The following KBTBD12 variants were observed in gnomAD, a reference collection of about 807,000 sequenced individuals.
The protein encoded by KBTBD12 is kelch repeat and BTB domain-containing protein 12.
A neutral mutation model predicts 58.7 loss-of-function variants in KBTBD12; 53 were observed. The ratio of observed to expected loss-of-function variants is 0.90; its 90% CI spans 0.72 to 1.14. The LOEUF is 1.14. Among genes scored for constraint, KBTBD12 ranks in the 50% most tolerant of loss-of-function variants. The pLI, the probability that KBTBD12 is intolerant of heterozygous loss-of-function variation, is 0.00. For missense variants in KBTBD12, 704 were observed against 751.3 expected (o/e 0.94, Z 0.74); for synonymous variants, 236 against 259.8 (o/e 0.91, Z 0.88).
At chr3:127,961,129 C>T (rs924026223) in intron 4 of KBTBD12, among the ~76,000 whole-genome samples, 12 of 152,216 alleles carry the variant, frequency 7.9e-5, no homozygotes, top group African/African-American at 2.4e-4. Flanking sequence ...CTCACAAAAA[C>T]AGACAACTAG....
intron 4 of KBTBD12, among the ~76,000 whole-genome samples, chr3:127,945,898 T>G (rs1166010041): frequency 6.6e-6 from 1 of 151,822 alleles, no homozygotes; most frequent in Non-Finnish European, 1.5e-5. Flanking sequence ...AGGCTGGTCT[T>G]GAACTCCTGG....
chr3:127,969,395 C>T (rs1367231387), intron 5 of KBTBD12, among the ~76,000 whole-genome samples: 2 of 151,874 alleles, frequency 1.3e-5, no homozygotes, highest in African/African-American at 4.8e-5. Flanking sequence ...CTGAAAACTG[C>T]AAGACATCAT....
At chr3:127,960,156 C>T (rs774744865) in intron 4 of KBTBD12, among the ~76,000 whole-genome samples, 1 of 152,138 alleles carries the variant, frequency 6.6e-6, no homozygotes, top group African/African-American at 2.4e-5. Flanking sequence ...GCAGCGAGTA[C>T]CACTCCCCTC....
intron 4 of KBTBD12, among the ~76,000 whole-genome samples, chr3:127,954,368 G>T (rs1940274116): frequency 6.6e-6 from 1 of 152,144 alleles, no homozygotes; most frequent in East Asian, 1.9e-4. Flanking sequence ...AGAACATTCT[G>T]GGTTCAACCT....
In KBTBD12 at chr3:127,923,171, C is replaced by A; in HGVS notation, c.110C>A (p.Ala37Glu). The stretch of plus-strand genomic sequence containing the variant: ...GAAATGATTGATGTGGTACTCACAG[C>A]AGAAGGAGAGAAATTTCCTTGCCAC... Reference protein sequence around the residue: ...LAEMIDVVLTAEGEKFPCHRL... With the variant: ...LAEMIDVVLTEEGEKFPCHRL... Residue 37 changes from alanine to glutamate, a missense_variant, in exon 2 of 6, where the codon GCA (alanine) becomes GAA (glutamate). Physicochemically the swap from Ala to Glu is moderately radical, Grantham distance 107. Transcript: ENST00000405109. 1 of 1,613,356 alleles carries A rather than the reference C, an allele frequency of 6.2e-7. No homozygotes were observed. Among genetic ancestry groups the A allele is most frequent in the Non-Finnish European group, 8.5e-7 (1 of 1,179,344 alleles).
In KBTBD12 at chr3:127,984,241, C is replaced by G. The variant is rs552334735; in HGVS notation, c.1835C>G (p.Pro612Arg). Residue 612 changes from proline (P) to arginine (R), a missense_variant, in exon 6 of 6, where the codon CCG becomes CGG. Transcript: ENST00000405109. ...ARMNPRDLIP[P>R]PSDLVEEGNE... is the part of the protein sequence containing the mutation. Reference sequence around the variant, plus strand: ...ATGAATCCCCGAGACCTCATCCCCCCGCCTTCAGATTTGGTGGAAGAAGGC... The same window carrying G: ...ATGAATCCCCGAGACCTCATCCCCCGGCCTTCAGATTTGGTGGAAGAAGGC... 1.9e-5 allele frequency: 30 copies of G among 1,613,938 alleles called. No individual in the cohort carries two copies. In the South Asian group the frequency reaches 3.0e-4, roughly 16 times the overall value.
chr3:127,980,494 T>A (rs1294430858), intron 5 of KBTBD12, among the ~76,000 whole-genome samples: 6 of 152,168 alleles, frequency 3.9e-5, no homozygotes, highest in Non-Finnish European at 8.8e-5. Context: ...CACGCCCAGC[T>A]AATTTTTGTA....
intron 5 of KBTBD12, among the ~76,000 whole-genome samples, chr3:127,975,466 T>C (rs980968945): frequency 6.6e-6 from 1 of 152,200 alleles, no homozygotes; most frequent in African/African-American, 2.4e-5. Context: ...GGCTTATTAC[T>C]GTTAACCAAG....
intron 1 of KBTBD12, among the ~76,000 whole-genome samples, chr3:127,920,238 C>A (rs906341786): frequency 6.6e-6 from 1 of 152,032 alleles, no homozygotes; most frequent in Non-Finnish European, 1.5e-5. Flanking sequence ...TTGTTGAAAT[C>A]GATCATCAGT....
chr3:127,971,235 G>A (rs1940677956), intron 5 of KBTBD12, among the ~76,000 whole-genome samples: 1 of 152,154 alleles, frequency 6.6e-6, no homozygotes, highest in Admixed American at 6.5e-5. Flanking sequence ...TGTGGCCTTA[G>A]GTACCTGCAA....
In KBTBD12 at chr3:127,984,422, G is replaced by C; in HGVS notation, c.*144G>C. On this transcript the variant is annotated 3_prime_UTR_variant, in exon 6 of 6. Transcript: ENST00000405109. ...AAGAAGCAGTGTGTGCTGGGCACTG[G>C]GTGGGGAGCATGGGGAGTCTCCCTT... 1.3e-6 allele frequency: 1 copy of C among 742,418 alleles called. No individual in the cohort carries two copies. Among genetic ancestry groups the C allele is most frequent in the South Asian group, 1.9e-5 (1 of 51,314 alleles). The allele number at this position is 742,418 out of a possible 1,614,324, so 46.0% of individuals were successfully genotyped here. A position where few individuals can be genotyped will look rare whatever the true frequency, so the allele number is the denominator to read the frequency against.
At chr3:127,976,287 T>G (rs1365649020) in intron 5 of KBTBD12, among the ~76,000 whole-genome samples, 1 of 152,238 alleles carries the variant, frequency 6.6e-6, no homozygotes, top group Admixed American at 6.5e-5. Flanking sequence ...TTGTAGCACC[T>G]TTTCTCTCCA....
intron 4 of KBTBD12, among the ~76,000 whole-genome samples, chr3:127,931,127 A>G (rs987398440): frequency 2.0e-5 from 3 of 152,182 alleles, no homozygotes; most frequent in Admixed American, 6.5e-5. Flanking sequence ...AAGATGATGG[A>G]TAGCAAAGAA....
intron 4 of KBTBD12, among the ~76,000 whole-genome samples, chr3:127,943,680 C>T (rs1430885374): frequency 6.6e-6 from 1 of 151,224 alleles, no homozygotes; most frequent in African/African-American, 2.4e-5. Context: ...TATACAGAAG[C>T]TTTTTGGTTT....
At chr3:127,954,712 T>C (rs1264164564) in intron 4 of KBTBD12, among the ~76,000 whole-genome samples, 1 of 152,184 alleles carries the variant, frequency 6.6e-6, no homozygotes, top group African/African-American at 2.4e-5. Flanking sequence ...CTTTCACACG[T>C]GGCCCCAGCC....
At chr3:127,968,861 T>C (rs1940634450) in intron 5 of KBTBD12, among the ~76,000 whole-genome samples, 1 of 148,376 alleles carries the variant, frequency 6.7e-6, no homozygotes, top group Non-Finnish European at 1.5e-5. Context: ...ATTATCTCAA[T>C]AGATGCAAAG....
chr3:127,984,049 T>A lies in KBTBD12; in HGVS notation c.1691-48T>A, dbSNP rs937620356. 2.0e-6 allele frequency: 3 copies of A among 1,520,828 alleles called. No individual in the cohort carries two copies. The African/African-American group carries it at 4.1e-5, about 21-fold the overall frequency. The allele number at this position is 1,520,828 out of a possible 1,614,324, so 94.2% of individuals were successfully genotyped here. On this transcript the variant is annotated intron_variant, in intron 5 of 5. Coordinates refer to ENST00000405109, the MANE Select transcript of KBTBD12 (RefSeq NM_207335.4). ...CAGTATGGTGCTGATGGCCTCTGAA[T>A]TTAATACCCACATGAGATTTTTGTC...
chr3:127,942,365 A>T (rs1939971949), intron 4 of KBTBD12, among the ~76,000 whole-genome samples: 1 of 152,134 alleles, frequency 6.6e-6, no homozygotes, highest in Non-Finnish European at 1.5e-5. Flanking sequence ...ATCATGCTGT[A>T]CTATGGATCT....
chr3:127,958,624 G>T (rs115364116), intron 4 of KBTBD12, among the ~76,000 whole-genome samples: 5,602 of 152,224 alleles, frequency 0.037, 324 homozygotes, highest in African/African-American at 0.12. Flanking sequence ...TATTAAACCA[G>T]CTATATGTCC....
Sources: allele counts gnomAD v4.1 joint callset (sites outside exome capture counted in the v4.1 genomes callset), GRCh38; gene constraint gnomAD v4.1.1; transcripts MANE v1.5; gene names NCBI Gene and HGNC (gene_info 2026-07-23, HGNC 2026-07-21).